Variants in DBH observed in about 807,000 individuals in gnomAD.
DBH encodes the protein dopamine beta-hydroxylase (dopamine beta-monooxygenase).
In DBH, 49 loss-of-function variants were observed where a neutral mutation model predicts 64.0. That is an observed-to-expected ratio of 0.77 (90% CI 0.61 to 0.97). The LOEUF (loss-of-function observed/expected upper bound fraction) is 0.97. Ranked by LOEUF, DBH falls within the 50% of genes least tolerant of loss-of-function variation. The pLI is 0.00. For missense variants in DBH, 828 were observed against 826.6 expected (o/e 1.00, Z -0.02); for synonymous variants, 343 against 347.1 (o/e 0.99, Z 0.13).
At chr9:133,641,729 A>G (rs1050400703) in intron 2 of DBH, among the ~76,000 whole-genome samples, 1 of 152,174 alleles carries the variant, frequency 6.6e-6, no homozygotes, top group African/African-American at 2.4e-5. Flanking sequence ...GCTGGTGGTG[A>G]CTACATAATA....
intron 5 of DBH, among the ~76,000 whole-genome samples, chr9:133,647,543 A>C (rs1408606557): frequency 6.6e-6 from 1 of 152,246 alleles, no homozygotes; most frequent in Non-Finnish European, 1.5e-5. Flanking sequence ...GGAGGCTTTA[A>C]GTGGCTCACG....
In DBH at chr9:133,639,912, G is replaced by T. The variant is rs1428988947; in HGVS notation, c.406G>T (p.Val136Leu). 3 of 1,613,584 alleles carry T rather than the reference G, an allele frequency of 1.9e-6. No homozygotes were observed. Among genetic ancestry groups the T allele is most frequent in the African/African-American group, 2.7e-5 (2 of 75,058 alleles). The change falls in exon 2 of 12, where the codon GTG becomes TTG. Residue 136 changes from valine (V) to leucine (L), a missense_variant. Val to Leu is a conservative substitution (Grantham distance 32). Coordinates refer to ENST00000393056, the MANE Select transcript of DBH (RefSeq NM_000787.4). ...CCAGCAGGACTACCAGCTGCTGCAG[G>T]TGCAGAGGACCCCAGAAGGCCTGAC... ...DPQQDYQLLQ[V>L]QRTPEGLTLL...
intron 6 of DBH, among the ~76,000 whole-genome samples, chr9:133,648,215 C>G (rs1166806003): frequency 6.6e-6 from 1 of 152,214 alleles, no homozygotes; most frequent in African/African-American, 2.4e-5. Context: ...ACCTCCCTCT[C>G]CAGCAATAAC....
intron 10 of DBH, 30 bp downstream of exon 10, chr9:133,656,680 C>A (rs1417309074): frequency 1.9e-6 from 3 of 1,608,518 alleles, no homozygotes; most frequent in African/African-American, 2.7e-5. Context: ...GCTCCCTGCC[C>A]CCAGGGAACC....
chr9:133,648,632 G>A (rs560647129), intron 6 of DBH, among the ~76,000 whole-genome samples: 37 of 152,350 alleles, frequency 2.4e-4, no homozygotes, highest in African/African-American at 7.5e-4. Context: ...GTGAAGTGCC[G>A]GGTACAGGAT....
At position 133,646,814 on chromosome 9, in the gene DBH, C is replaced by T. The variant is rs555638791; in HGVS notation, c.1025-1032C>T. 3.0e-4 allele frequency among the ~76,000 whole-genome samples: 46 copies of T among 152,274 alleles called. 1 individual carries two copies. Among genetic ancestry groups the T allele is most frequent in the African/African-American group, 1.1e-3 (44 of 41,556 alleles). On this transcript the variant is annotated intron_variant, in intron 5 of 11. Transcript: ENST00000393056. ...GCTGGGATTACAAGGCGTGAGCCAC[C>T]GTGCCCGGCCCCCTGGACCTCTGAC... is the stretch of plus-strand genomic sequence containing the variant.
At chr9:133,657,887 C>T (rs138842215) in intron 11 of DBH, among the ~76,000 whole-genome samples, 176 of 152,314 alleles carry the variant, frequency 1.2e-3, no homozygotes, top group African/African-American at 4.0e-3. Context: ...GTCAAACATC[C>T]TCAGCACCAA....
Position 133,637,038 on chromosome 9 carries a change from G to A in DBH, c.339+328G>A, listed in dbSNP as rs147426101. On this transcript the variant is annotated intron_variant, in intron 1 of 11. Transcript: ENST00000393056. ...GCCGCTCCACACCCCACACGCGCATGAGCACAGACCCCACGACCCTCGGCC... is the reference window on the plus strand; with the variant it reads ...GCCGCTCCACACCCCACACGCGCATAAGCACAGACCCCACGACCCTCGGCC... 5.9e-5 allele frequency among the ~76,000 whole-genome samples: 9 copies of A among 152,306 alleles called. No homozygotes were observed. In the East Asian group the frequency reaches 1.2e-3, roughly 20 times the overall value.
At chr9:133,653,148 T>C in intron 9 of DBH, 149 bp downstream of exon 9, 1 of 713,298 alleles carries the variant, frequency 1.4e-6, no homozygotes. Flanking sequence ...TGAACCACAG[T>C]GGCAGCATCA....
At position 133,636,634 on chromosome 9, in the gene DBH, G is replaced by C. The variant is rs3025380; in HGVS notation, c.263G>C (p.Gly88Ala). The change falls in exon 1 of 12, where the codon GGG becomes GCG. Residue 88 changes from glycine to alanine, a missense_variant. Physicochemically the swap from Gly to Ala is moderately conservative, Grantham distance 60. Coordinates refer to ENST00000393056, the MANE Select transcript of DBH (RefSeq NM_000787.4). ...VRRLKAGVLF[G>A]MSDRGELENA... ...AGGCTCAAGGCTGGCGTCCTGTTTGGGATGTCCGACCGTGGCGAGCTTGAG... is the reference window on the plus strand; with the variant it reads ...AGGCTCAAGGCTGGCGTCCTGTTTGCGATGTCCGACCGTGGCGAGCTTGAG... The C allele has an allele frequency of 4.0e-3, 6,426 of 1,613,152 alleles. 29 individuals are homozygous for C. Among genetic ancestry groups the C allele is most frequent in the Middle Eastern group, 7.8e-3 (47 of 6,062 alleles).
At chr9:133,657,453 AGAGAGGG>A in intron 11 of DBH, 1 of 255,614 alleles carries the variant, frequency 3.9e-6, no homozygotes, top group South Asian at 5.7e-5. Context: ...GAGAGAGAGG[AGAGAGGG>A]AGAGGGAGAG....
rs1168610709 is a variant in DBH, at chr9:133,659,057, C to G, written c.*610C>G. 2 of 152,202 alleles carry G rather than the reference C, an allele frequency of 1.3e-5. No homozygotes were observed. The highest frequency in any genetic ancestry group is 4.8e-5 in the African/African-American group (2 of 41,432). 9.4% of individuals were successfully genotyped at this position (152,202 alleles called of 1,614,324 possible). A position where few individuals can be genotyped will look rare whatever the true frequency, so the allele number is the denominator to read the frequency against. On this transcript the variant is annotated 3_prime_UTR_variant, in exon 12 of 12. Transcript: ENST00000393056. The stretch of plus-strand genomic sequence containing the variant: ...GGGAAGCCCTGACAACAACTATCAC[C>G]AAAAGACGAGGCGGCAAAGATCCAG...
At position 133,656,586 on chromosome 9, in the gene DBH, CT is replaced by C. The variant is rs757399972; in HGVS notation, c.1499del (p.Leu500ArgfsTer53). The part of the protein sequence containing the change: ...NYVHYYPQTQ[L>X]ELCKSAVDAG... ...CGTGCACTACTACCCCCAGACGCAG[CT>C]GGAGCTCTGCAAGAGCGCTGTGGAC... On this transcript the variant is annotated frameshift_variant, in exon 10 of 12. Transcript: ENST00000393056. LOFTEE classifies it high-confidence loss of function. The C allele has an allele frequency of 3.6e-5, 58 of 1,613,694 alleles. No individual in the cohort carries two copies. The highest frequency in any genetic ancestry group is 4.8e-5 in the Non-Finnish European group (57 of 1,180,020).
chr9:133,637,763 C>T (rs1202944125), intron 1 of DBH, among the ~76,000 whole-genome samples: 1 of 152,218 alleles, frequency 6.6e-6, no homozygotes, highest in African/African-American at 2.4e-5. Context: ...CTCCAATTCC[C>T]AAGACTCGGC....
At chr9:133,656,490 G>A in intron 9 of DBH, 33 bp from the exon 10 acceptor site, 20 of 1,613,272 alleles carry the variant, frequency 1.2e-5, no homozygotes, top group Non-Finnish European at 1.6e-5. Context: ...GCGTGGCATG[G>A]CCCGGGGCTG....
Position 133,637,443 on chromosome 9 carries a change from C to T in DBH, c.339+733C>T, listed in dbSNP as rs143982176. ...GCGAGCCCACCGCCTACAATGGGTCCTGCTCCAGCCTTCCTTTCCACATGG... is the reference window on the plus strand; with the variant it reads ...GCGAGCCCACCGCCTACAATGGGTCTTGCTCCAGCCTTCCTTTCCACATGG... On this transcript the variant is annotated intron_variant, in intron 1 of 11. Transcript: ENST00000393056. Among the ~76,000 whole-genome samples the T allele has an allele frequency of 7.4e-4, 113 of 152,376 alleles. 1 individual carries two copies. The East Asian group carries it at 0.017, about 23-fold the overall frequency.
chr9:133,658,534 G>C lies in DBH; in HGVS notation c.*87G>C, dbSNP rs2131297792. ...ACTCTACTCTGCGACGATCCCCATG[G>C]AACAGCCCTGCACGCCCAGGATGAA... On this transcript the variant is annotated 3_prime_UTR_variant, in exon 12 of 12. Coordinates refer to ENST00000393056, the MANE Select transcript of DBH (RefSeq NM_000787.4). The C allele has an allele frequency of 2.8e-6, 4 of 1,414,126 alleles. No individual in the cohort carries two copies. Among genetic ancestry groups the C allele is most frequent in the Non-Finnish European group, 2.8e-6 (3 of 1,060,306 alleles). 87.6% of individuals were successfully genotyped at this position (1,414,126 alleles called of 1,614,324 possible). A position where few individuals can be genotyped will look rare whatever the true frequency, so the allele number is the denominator to read the frequency against.
At chr9:133,651,563 G>T in intron 6 of DBH, 71 bp from the exon 7 acceptor site, 1 of 1,597,402 alleles carries the variant, frequency 6.3e-7, no homozygotes, top group South Asian at 1.1e-5. Flanking sequence ...GCTCCCTACC[G>T]GGTCCTGGCC....
rs766225157 is a variant in DBH, at chr9:133,658,410, G to C, written c.1817G>C (p.Gly606Ala). 1 of 1,613,258 alleles carries C rather than the reference G, an allele frequency of 6.2e-7. No individual in the cohort carries two copies. The highest frequency in any genetic ancestry group is 1.1e-5 in the South Asian group (1 of 90,990). ...ACCAGCCAGGGCCGAAGCCCTGCTG[G>C]CCCCACCGTTGTCAGCATTGGTGGG... ...CPTSQGRSPAGPTVVSIGGGK... is the reference protein window; with the variant it reads ...CPTSQGRSPAAPTVVSIGGGK... The change falls in exon 12 of 12, where the codon GGC becomes GCC. Residue 606 changes from glycine (G) to alanine (A), a missense_variant. Coordinates refer to ENST00000393056, the MANE Select transcript of DBH (RefSeq NM_000787.4).
Sources: gnomAD v4.1 joint callset for allele counts (sites outside exome capture counted in the v4.1 genomes callset) on GRCh38, gnomAD v4.1.1 for gene constraint, MANE v1.5 for transcripts, NCBI Gene and HGNC (gene_info 2026-07-23, HGNC 2026-07-21) for gene names.